The following DGKI variants were observed in gnomAD, a reference collection of about 807,000 sequenced individuals.
DGKI encodes the protein diacylglycerol kinase iota.
A neutral mutation model predicts 147.5 loss-of-function variants in DGKI; 55 were observed. That is an observed-to-expected ratio of 0.37 (90% CI 0.30 to 0.47). The LOEUF is 0.47. Ranked by LOEUF, DGKI falls within the 20% of genes least tolerant of loss-of-function variation. The pLI is 1.00. For synonymous variants in DGKI, 469 were observed against 477.1 expected (o/e 0.98, Z 0.22); for missense variants, 1,007 against 1,323.8 (o/e 0.76, Z 3.71).
chr7:137,407,021 A>C (rs561326668), intron 30 of DGKI, among the ~76,000 whole-genome samples: 2 of 151,764 alleles, frequency 1.3e-5, no homozygotes, highest in South Asian at 4.2e-4. Flanking sequence ...AAAAGGAGTC[A>C]GCCACAGGCT....
At chr7:137,764,541 C>T (rs1795950931) in intron 1 of DGKI, among the ~76,000 whole-genome samples, 1 of 152,128 alleles carries the variant, frequency 6.6e-6, no homozygotes, top group Non-Finnish European at 1.5e-5. Context: ...AAGAGAAGTT[C>T]ATTCAAGCCC....
At chr7:137,472,423 ATAT>A (rs1263778547) in intron 23 of DGKI, among the ~76,000 whole-genome samples, 5 of 12,392 alleles carry the variant, frequency 4.0e-4, no homozygotes, top group Admixed American at 1.2e-3. Flanking sequence ...ATACATATAC[ATAT>A]TATATGTACA....
intron 1 of DGKI, among the ~76,000 whole-genome samples, chr7:137,743,736 C>A (rs527857095): frequency 6.6e-6 from 1 of 152,256 alleles, no homozygotes; most frequent in East Asian, 1.9e-4. Context: ...GTAATCCCAG[C>A]ACTTTGGGAG....
At chr7:137,618,151 A>ATATATATTTTTTTTTTT in intron 8 of DGKI, among the ~76,000 whole-genome samples, 9 of 10,460 alleles carry the variant, frequency 8.6e-4, no homozygotes, top group Admixed American at 3.6e-3. Context: ...ATATATATAT[A>ATATATATTTTTTTTTTT]TTTTTTTTTT....
chr7:137,635,941 C>T (rs1821294119), intron 6 of DGKI, among the ~76,000 whole-genome samples: 1 of 152,170 alleles, frequency 6.6e-6, no homozygotes, highest in Admixed American at 6.5e-5. Flanking sequence ...TGGGACTTAA[C>T]AGGAAGCTCT....
chr7:137,394,047 G>A (rs966469685), intron 32 of DGKI, among the ~76,000 whole-genome samples: 8 of 152,166 alleles, frequency 5.3e-5, no homozygotes, highest in African/African-American at 1.9e-4. Flanking sequence ...CTCGGTACCT[G>A]CTTAATGAAG....
chr7:137,446,527 A>G (rs2128918534), intron 27 of DGKI, among the ~76,000 whole-genome samples: 2 of 152,244 alleles, frequency 1.3e-5, no homozygotes, highest in Middle Eastern at 6.8e-3. Flanking sequence ...GGATTTTGAA[A>G]CCAGCCTGGC....
intron 1 of DGKI, among the ~76,000 whole-genome samples, chr7:137,809,303 T>A (rs1009710586): frequency 1.3e-5 from 2 of 152,196 alleles, no homozygotes; most frequent in African/African-American, 4.8e-5. Context: ...CTCATACTCA[T>A]TGATGTCTCG....
At chr7:137,680,225 A>T (rs755417989) in intron 2 of DGKI, among the ~76,000 whole-genome samples, 4 of 152,144 alleles carry the variant, frequency 2.6e-5, no homozygotes, top group Non-Finnish European at 4.4e-5. Flanking sequence ...AGAGGATTCT[A>T]CCCAGGACTG....
intron 1 of DGKI, among the ~76,000 whole-genome samples, chr7:137,844,697 G>A (rs1424621845): frequency 6.6e-6 from 1 of 152,234 alleles, no homozygotes; most frequent in African/African-American, 2.4e-5. Flanking sequence ...ACACGTGCAT[G>A]TGTGAGCATG....
At chr7:137,623,167 A>G (rs1186694954) in intron 7 of DGKI, among the ~76,000 whole-genome samples, 4 of 152,190 alleles carry the variant, frequency 2.6e-5, no homozygotes, top group African/African-American at 9.6e-5. Flanking sequence ...TACTGGAGGG[A>G]AAATGTGGTC....
chr7:137,532,512 T>C lies in DGKI; in HGVS notation c.2148-10546A>G, dbSNP rs148336358. Among the ~76,000 whole-genome samples, 381 of 152,288 alleles carry C rather than the reference T, an allele frequency of 2.5e-3. 4 individuals carry two copies. Among genetic ancestry groups the C allele is most frequent in the African/African-American group, 8.7e-3 (363 of 41,570 alleles). On this transcript the variant is annotated intron_variant, in intron 20 of 32. Coordinates refer to ENST00000614521, the MANE Select transcript of DGKI (RefSeq NM_001321708.2). ...ATATTTTACCTGGACAGGTTGACAA[T>C]TGCTTGCCAAGGTCCTCAATCCTCA...
At chr7:137,791,647 T>C (rs955082200) in intron 1 of DGKI, among the ~76,000 whole-genome samples, 2 of 152,214 alleles carry the variant, frequency 1.3e-5, no homozygotes, top group Non-Finnish European at 2.9e-5. Context: ...GATGCTCTGG[T>C]AATGAACAAA....
intron 12 of DGKI, among the ~76,000 whole-genome samples, chr7:137,589,017 G>A (rs1819516536): frequency 6.6e-6 from 1 of 152,136 alleles, no homozygotes; most frequent in Non-Finnish European, 1.5e-5. Context: ...AACTGCTAAG[G>A]TATAGGGAAC....
intron 28 of DGKI, among the ~76,000 whole-genome samples, chr7:137,422,125 A>AT: frequency 6.6e-6 from 1 of 152,254 alleles, no homozygotes; most frequent in East Asian, 1.9e-4. Context: ...TAGAACATTG[A>AT]TAGTAACGCT....
intron 19 of DGKI, among the ~76,000 whole-genome samples, chr7:137,565,561 T>A (rs960264041): frequency 6.6e-6 from 1 of 152,200 alleles, no homozygotes; most frequent in African/African-American, 2.4e-5. Flanking sequence ...ACAGTTTTAT[T>A]TCAATTAACA....
rs542144831 is a variant in DGKI at position 137,416,651 on chromosome 7, T to C, written c.2762-4444A>G. Among the ~76,000 whole-genome samples, 183 of 152,270 alleles carry C rather than the reference T, an allele frequency of 1.2e-3. 1 individual carries two copies. The highest frequency in any genetic ancestry group is 4.2e-3 in the African/African-American group (174 of 41,556). Reference sequence around the variant, plus strand: ...GAGCATATAAATGTCCTTAAGCATGTCAGTGTGAGTCTGCTTCCCCCCCTC... The same window carrying C: ...GAGCATATAAATGTCCTTAAGCATGCCAGTGTGAGTCTGCTTCCCCCCCTC... On this transcript the variant is annotated intron_variant, in intron 28 of 32. Coordinates refer to ENST00000614521, the MANE Select transcript of DGKI (RefSeq NM_001321708.2).
chr7:137,472,396 AATT>A lies in DGKI; in HGVS notation c.2374-2780_2374-2778del, dbSNP rs1256392238. On this transcript the variant is annotated intron_variant, in intron 23 of 32. Transcript: ENST00000614521. ...TATTATATGTATATATACATATTATAATTATTATATGTATATATACATATACAT... is the reference window on the plus strand; with the variant it reads ...TATTATATGTATATATACATATTATAATTATATGTATATATACATATACAT... Among the ~76,000 whole-genome samples, 82 of 94,734 alleles carry A rather than the reference AATT, an allele frequency of 8.7e-4. No homozygotes were observed. In the East Asian group the frequency reaches 9.8e-3, roughly 11 times the overall value. 62.1% of individuals were successfully genotyped at this position (94,734 alleles called of 152,430 possible). A position where few individuals can be genotyped will look rare whatever the true frequency, so the allele number is the denominator to read the frequency against.
chr7:137,578,717 G>A (rs1054924611), intron 15 of DGKI, among the ~76,000 whole-genome samples: 6 of 152,172 alleles, frequency 3.9e-5, no homozygotes, highest in African/African-American at 1.4e-4. Flanking sequence ...GTAAAAATTG[G>A]AGGGTTTCCA....
Sources: allele counts gnomAD v4.1 joint callset (sites outside exome capture counted in the v4.1 genomes callset), GRCh38; gene constraint gnomAD v4.1.1; transcripts MANE v1.5; gene names NCBI Gene and HGNC (gene_info 2026-07-23, HGNC 2026-07-21).